LRP1B: variants seen among roughly 807,000 people sequenced by gnomAD.
LRP1B encodes LDL receptor related protein 1B, also known as low-density lipoprotein receptor-related protein 1B.
A neutral mutation model predicts 556.6 loss-of-function variants in LRP1B; 217 were observed. The ratio of observed to expected loss-of-function variants is 0.39; its 90% CI spans 0.35 to 0.44. The LOEUF is 0.44. LRP1B is among the 20% of genes least tolerant of loss of function. The pLI is 1.00. For synonymous variants in LRP1B, 2,047 were observed against 1,865.8 expected (o/e 1.10, Z -2.50); for missense variants, 5,053 against 5,620.8 (o/e 0.90, Z 3.23).
At chr2:140,922,236 G>C (rs1425650933) in intron 21 of LRP1B, among the ~76,000 whole-genome samples, 1 of 151,696 alleles carries the variant, frequency 6.6e-6, no homozygotes, top group African/African-American at 2.4e-5. Flanking sequence ...TAGAATATAA[G>C]ACATTCTATT....
At chr2:140,780,609 C>A (rs2104961460) in intron 32 of LRP1B, among the ~76,000 whole-genome samples, 1 of 152,252 alleles carries the variant, frequency 6.6e-6, no homozygotes, top group East Asian at 1.9e-4. Context: ...TGAGCAGAAA[C>A]TACACACATT....
At chr2:142,064,579 A>T (rs1705035593) in intron 1 of LRP1B, among the ~76,000 whole-genome samples, 1 of 151,380 alleles carries the variant, frequency 6.6e-6, no homozygotes, top group Non-Finnish European at 1.5e-5. Context: ...TAAAATGCAC[A>T]CTTCTTCCTG....
chr2:140,896,966 T>C (rs1292995905), intron 23 of LRP1B, among the ~76,000 whole-genome samples: 2 of 152,204 alleles, frequency 1.3e-5, no homozygotes, highest in Non-Finnish European at 2.9e-5. Context: ...AATTCATTTT[T>C]ATTGGACTGT....
At chr2:141,107,944 G>A (rs1700648955) in intron 7 of LRP1B, among the ~76,000 whole-genome samples, 1 of 151,778 alleles carries the variant, frequency 6.6e-6, no homozygotes, top group Non-Finnish European at 1.5e-5. Context: ...ATACACAGTT[G>A]GAAAAAAAGT....
At chr2:140,592,861 G>T (rs1438991956) in intron 43 of LRP1B, among the ~76,000 whole-genome samples, 1 of 151,834 alleles carries the variant, frequency 6.6e-6, no homozygotes, top group African/African-American at 2.4e-5. Flanking sequence ...GATCATTTGA[G>T]CCCAGGGTTA....
At chr2:141,376,915 C>T (rs1689458804) in intron 3 of LRP1B, among the ~76,000 whole-genome samples, 1 of 151,934 alleles carries the variant, frequency 6.6e-6, no homozygotes, top group Non-Finnish European at 1.5e-5. Context: ...TATGTAATCT[C>T]AATGTAAGGC....
At chr2:142,024,788 C>T (rs1703452231) in intron 1 of LRP1B, among the ~76,000 whole-genome samples, 1 of 151,944 alleles carries the variant, frequency 6.6e-6, no homozygotes, top group African/African-American at 2.4e-5. Flanking sequence ...TATTTGACTA[C>T]CTGTCATTCT....
At chr2:142,036,470 A>G (rs1228491402) in intron 1 of LRP1B, among the ~76,000 whole-genome samples, 1 of 151,654 alleles carries the variant, frequency 6.6e-6, no homozygotes. Flanking sequence ...ACCATTTTGA[A>G]TTCCTAATTA....
intron 82 of LRP1B, among the ~76,000 whole-genome samples, chr2:140,316,275 CAA>C (rs2105039742): frequency 6.6e-6 from 1 of 152,146 alleles, no homozygotes; most frequent in African/African-American, 2.4e-5. Context: ...TAGGTAAAAT[CAA>C]AACAATTTAT....
chr2:140,573,451 T>C (rs1361181438), intron 43 of LRP1B, among the ~76,000 whole-genome samples: 1 of 151,918 alleles, frequency 6.6e-6, no homozygotes, highest in East Asian at 1.9e-4. Flanking sequence ...TTTAAAGATT[T>C]TCAAATTTCT....
At chr2:141,523,968 A>T (rs533232872) in intron 2 of LRP1B, among the ~76,000 whole-genome samples, 4 of 152,200 alleles carry the variant, frequency 2.6e-5, no homozygotes, top group Non-Finnish European at 5.9e-5. Context: ...AGTCGCAATA[A>T]GATCATTTGT....
At position 140,783,898 on chromosome 2, in the gene LRP1B, G is replaced by T. The variant is rs537163562; in HGVS notation, c.5360-7660C>A. On this transcript the variant is annotated intron_variant, in intron 32 of 90. Transcript: ENST00000389484. ...CTACATTAGAAGTTCTCAAATTTCA[G>T]CATGAATTAGAATTACCTGGAGAAC... 1.1e-4 allele frequency among the ~76,000 whole-genome samples: 17 copies of T among 152,296 alleles called. No homozygotes were observed. In the East Asian group the frequency reaches 1.9e-3, roughly 17 times the overall value.
rs184490695 is a variant in LRP1B at position 140,663,554 on chromosome 2, C to T, written c.6799+36696G>A. ...GCTAGCTCAAACTTAACTTTTGCAG[C>T]TTCCTCACTTCTCTCGGACTTCATA... is the stretch of plus-strand genomic sequence containing the variant. On this transcript the variant is annotated intron_variant, in intron 41 of 90. Transcript: ENST00000389484. 1.6e-3 allele frequency among the ~76,000 whole-genome samples: 242 copies of T among 152,304 alleles called. 1 individual carries two copies. The highest frequency in any genetic ancestry group is 3.4e-3 in the Middle Eastern group (1 of 294).
At position 141,988,515 on chromosome 2, in the gene LRP1B, G is replaced by T. The variant is rs114312999; in HGVS notation, c.82+142133C>A. 2.0e-5 allele frequency among the ~76,000 whole-genome samples: 3 copies of T among 152,064 alleles called. No individual in the cohort carries two copies. In the South Asian group the frequency reaches 6.2e-4, roughly 32 times the overall value. On this transcript the variant is annotated intron_variant, in intron 1 of 90. Transcript: ENST00000389484. ...GGCAATATTGAAGTTTGTAGAAATG[G>T]TCAAAGTAGTTCTAATTTAAAATAT...
At chr2:141,926,874 T>C (rs1012147974) in intron 1 of LRP1B, among the ~76,000 whole-genome samples, 5 of 152,090 alleles carry the variant, frequency 3.3e-5, no homozygotes, top group East Asian at 3.9e-4. Flanking sequence ...AGGTGAACTA[T>C]TTTTTTCTTC....
intron 1 of LRP1B, among the ~76,000 whole-genome samples, chr2:141,844,318 C>G (rs1210107697): frequency 6.6e-6 from 1 of 152,008 alleles, no homozygotes; most frequent in African/African-American, 2.4e-5. Context: ...TTACAGAACT[C>G]TTTATCATTT....
At chr2:141,009,682 T>C (rs1369899023) in intron 14 of LRP1B, among the ~76,000 whole-genome samples, 1 of 152,002 alleles carries the variant, frequency 6.6e-6, no homozygotes. Flanking sequence ...ATACTAGTCC[T>C]GTGTAATCTA....
intron 87 of LRP1B, among the ~76,000 whole-genome samples, chr2:140,245,976 T>G (rs1170021169): frequency 1.3e-5 from 2 of 151,342 alleles, no homozygotes; most frequent in African/African-American, 2.4e-5. Flanking sequence ...GACTGTCTAT[T>G]CTAGACCTAT....
At chr2:140,467,172 A>T (rs1360498056) in intron 60 of LRP1B, among the ~76,000 whole-genome samples, 1 of 152,196 alleles carries the variant, frequency 6.6e-6, no homozygotes, top group African/African-American at 2.4e-5. Context: ...ATTTATAACA[A>T]ATTTTTTCTT....
Sources: allele counts gnomAD v4.1 joint callset (sites outside exome capture counted in the v4.1 genomes callset), GRCh38; gene constraint gnomAD v4.1.1; transcripts MANE v1.5; gene names NCBI Gene and HGNC (gene_info 2026-07-23, HGNC 2026-07-21).